The following KAT7 variants were observed in gnomAD, a reference collection of about 807,000 sequenced individuals.
KAT7 encodes lysine acetyltransferase 7, also known as histone acetyltransferase KAT7.
KAT7 carries 10 observed loss-of-function variants against 82.1 expected under a neutral mutation model. The ratio of observed to expected loss-of-function variants is 0.12; its 90% CI spans 0.08 to 0.21. The LOEUF (loss-of-function observed/expected upper bound fraction) is 0.21. Ranked by LOEUF, KAT7 falls within the 10% of genes least tolerant of loss-of-function variation. The pLI is 1.00. For synonymous variants in KAT7, 250 were observed against 262.5 expected (o/e 0.95, Z 0.46); for missense variants, 378 against 760.9 (o/e 0.50, Z 5.92).
In KAT7 at chr17:49,826,910, C is replaced by G. The variant is rs1242008137; in HGVS notation, c.1734+111C>G. The stretch of plus-strand genomic sequence containing the variant: ...CTTCCCTTAAAGGAGTTGGGCTACA[C>G]GCCCCTTTTACTGGGTCTCATTTCT... On this transcript the variant is annotated intron_variant, in intron 14 of 14. Coordinates refer to ENST00000259021, the MANE Select transcript of KAT7 (RefSeq NM_007067.5). 9.2e-6 allele frequency: 6 copies of G among 651,698 alleles called. No individual in the cohort carries two copies. The Admixed American group carries it at 1.7e-4, about 18-fold the overall frequency. 40.4% of individuals were successfully genotyped at this position (651,698 alleles called of 1,614,324 possible).
rs756711723 is a variant in KAT7, at chr17:49,827,547, C to T, written c.*45C>T. On this transcript the variant is annotated 3_prime_UTR_variant, in exon 15 of 15. Coordinates refer to ENST00000259021, the MANE Select transcript of KAT7 (RefSeq NM_007067.5). The stretch of plus-strand genomic sequence containing the variant: ...CCAGCGAACCCCAGCAGTAGGAATC[C>T]GTACCCTAGGGATCTGTCTGTCATT... The T allele has an allele frequency of 6.3e-5, 68 of 1,086,576 alleles. No homozygotes were observed. The highest frequency in any genetic ancestry group is 2.5e-4 in the Middle Eastern group (1 of 4,026). The allele number at this position is 1,086,576 out of a possible 1,614,324, so 67.3% of individuals were successfully genotyped here. A position where few individuals can be genotyped will look rare whatever the true frequency, so the allele number is the denominator to read the frequency against.
At chr17:49,801,770 G>A (rs534361966) in intron 4 of KAT7, among the ~76,000 whole-genome samples, 2 of 152,270 alleles carry the variant, frequency 1.3e-5, no homozygotes, top group African/African-American at 2.4e-5. Context: ...GATTACAGGC[G>A]TGAGCCACTG....
At position 49,821,438 on chromosome 17, in the gene KAT7, T is replaced by C. The variant is rs755744042; in HGVS notation, c.1245+12T>C. 6.2e-7 allele frequency: 1 copy of C among 1,609,648 alleles called. No individual in the cohort carries two copies. Among genetic ancestry groups the C allele is most frequent in the East Asian group, 2.2e-5 (1 of 44,848 alleles). ...GCAAGAAAAACAAGGTAAAAAGTGG[T>C]GACTTTAGAAAGGAGTTGAAATGTT... On this transcript the variant is annotated intron_variant, in intron 10 of 14. Transcript: ENST00000259021.
At chr17:49,815,556 GA>G in intron 7 of KAT7, 3 of 357,894 alleles carry the variant, frequency 8.4e-6, no homozygotes, top group Non-Finnish European at 1.5e-5. Context: ...TTCAGAGATA[GA>G]AGAATGAAGC....
chr17:49,790,964 T>C (rs1381877601), intron 1 of KAT7, among the ~76,000 whole-genome samples: 2 of 152,228 alleles, frequency 1.3e-5, no homozygotes, highest in Non-Finnish European at 2.9e-5. Context: ...AAGAAAGAAC[T>C]CCTCAGGAGG....
At chr17:49,798,252 C>T (rs2073980582) in intron 3 of KAT7, 67 bp from the exon 4 acceptor site, 20 of 1,498,284 alleles carry the variant, frequency 1.3e-5, no homozygotes, top group Non-Finnish European at 1.7e-5. Flanking sequence ...AGCCCATAAA[C>T]TCTGAATAGT....
At chr17:49,825,784 G>A (rs3785928) in intron 12 of KAT7, among the ~76,000 whole-genome samples, 11,179 of 152,206 alleles carry the variant, frequency 0.073, 573 homozygotes, top group African/African-American at 0.13. Flanking sequence ...AATAAGAGGG[G>A]ACTCCTGTGT....
chr17:49,794,828 A>G (rs188532419), intron 2 of KAT7, among the ~76,000 whole-genome samples: 1 of 152,348 alleles, frequency 6.6e-6, no homozygotes, highest in East Asian at 1.9e-4. Context: ...CTCCAGGGGT[A>G]CCATTTACAA....
In KAT7 at chr17:49,834,801, A is replaced by T. The variant is rs1415555671; in HGVS notation, c.*7299A>T. On this transcript the variant is annotated 3_prime_UTR_variant, in exon 15 of 15. Coordinates refer to ENST00000259021, the MANE Select transcript of KAT7 (RefSeq NM_007067.5). ...CATGGTGGGAGGATCACTTGAGCCC[A>T]GGAGTTCGAGACCAGCCTGGGCAAC... 1.3e-5 allele frequency: 2 copies of T among 152,258 alleles called. No homozygotes were observed. The highest frequency in any genetic ancestry group is 1.3e-4 in the Admixed American group (2 of 15,278). The allele number at this position is 152,258 out of a possible 1,614,324, so 9.4% of individuals were successfully genotyped here.
intron 5 of KAT7, among the ~76,000 whole-genome samples, chr17:49,807,270 C>T (rs1049676190): frequency 3.3e-5 from 5 of 152,078 alleles, no homozygotes; most frequent in East Asian, 1.9e-4. Context: ...GAGTCTGTTT[C>T]GGGGGTGAGG....
At position 49,826,274 on chromosome 17, in the gene KAT7, A is replaced by G. The variant is rs1325325768; in HGVS notation, c.1627+128A>G. 34 of 894,302 alleles carry G rather than the reference A, an allele frequency of 3.8e-5. No individual in the cohort carries two copies. The East Asian group carries it at 8.7e-4, about 23-fold the overall frequency. 55.4% of individuals were successfully genotyped at this position (894,302 alleles called of 1,614,324 possible). Reference sequence around the variant, plus strand: ...TGGACCACTGCGGAGACCCTCACTAAAGCTGCCTAGGAATCCAAAGCATTT... The same window carrying G: ...TGGACCACTGCGGAGACCCTCACTAGAGCTGCCTAGGAATCCAAAGCATTT... On this transcript the variant is annotated intron_variant, in intron 13 of 14. Coordinates refer to ENST00000259021, the MANE Select transcript of KAT7 (RefSeq NM_007067.5).
At chr17:49,819,307 C>T (rs2074273639) in intron 9 of KAT7, among the ~76,000 whole-genome samples, 1 of 152,116 alleles carries the variant, frequency 6.6e-6, no homozygotes, top group Admixed American at 6.6e-5. Context: ...CACTTGACTG[C>T]ATAGGGCTAG....
chr17:49,817,732 G>A, intron 8 of KAT7, 88 bp from the exon 9 acceptor site: 2 of 1,051,768 alleles, frequency 1.9e-6, no homozygotes, highest in South Asian at 3.0e-5. Context: ...CTCCCAAAGT[G>A]TTGGGATTAC....
At chr17:49,808,747 C>T (rs1448119656) in intron 5 of KAT7, among the ~76,000 whole-genome samples, 4 of 152,174 alleles carry the variant, frequency 2.6e-5, no homozygotes, top group Non-Finnish European at 5.9e-5. Context: ...GCACCACACC[C>T]AGCCCAAACC....
intron 4 of KAT7, among the ~76,000 whole-genome samples, chr17:49,804,239 C>T (rs1228161132): frequency 1.3e-5 from 2 of 151,952 alleles, no homozygotes; most frequent in Non-Finnish European, 1.5e-5. Flanking sequence ...ATTAGCCGGG[C>T]GTGGCGGCAG....
At position 49,829,662 on chromosome 17, in the gene KAT7, T is replaced by C. The variant is rs1232116290; in HGVS notation, c.*2160T>C. On this transcript the variant is annotated 3_prime_UTR_variant, in exon 15 of 15. Coordinates refer to ENST00000259021, the MANE Select transcript of KAT7 (RefSeq NM_007067.5). ...TGGTGGAAAGGAGGAGGCTGGGAAT[T>C]GTATGTGCTGGAATGGTTTCACTCA... The C allele has an allele frequency of 6.6e-6, 1 of 152,196 alleles. No homozygotes were observed. Among genetic ancestry groups the C allele is most frequent in the East Asian group, 1.9e-4 (1 of 5,192 alleles). The allele number at this position is 152,196 out of a possible 1,614,324, so 9.4% of individuals were successfully genotyped here. A position where few individuals can be genotyped will look rare whatever the true frequency, so the allele number is the denominator to read the frequency against.
rs1486755572 is a variant in KAT7, at chr17:49,791,898, A to G, written c.28A>G (p.Ser10Gly). 7 of 1,614,066 alleles carry G rather than the reference A, an allele frequency of 4.3e-6. No individual in the cohort carries two copies. The South Asian group carries it at 7.7e-5, about 18-fold the overall frequency. The change falls in exon 2 of 15, where the codon AGT becomes GGT. Residue 10 changes from serine (S) to glycine (G), a missense_variant. This residue lies in a region of KAT7 where 161 missense variants were observed against 229.6 expected (regional missense o/e 0.70). Coordinates refer to ENST00000259021, the MANE Select transcript of KAT7 (RefSeq NM_007067.5). MPRRKRNAG[S>G]SSDGTEDSDF... The stretch of plus-strand genomic sequence containing the variant: ...TATGGTATTACAGAGGAATGCAGGC[A>G]GTAGTTCAGATGGAACCGAAGATTC...
chr17:49,795,714 A>ATT (rs1244275096), intron 2 of KAT7: 4 of 229,632 alleles, frequency 1.7e-5, no homozygotes, highest in African/African-American at 9.2e-5. Context: ...TAACCACTGA[A>ATT]TTGTTATTTT....
rs761443388 is a variant in KAT7, at chr17:49,823,210, T to C, written c.1395T>C (p.Asn465=). 2 of 1,582,564 alleles carry C rather than the reference T, an allele frequency of 1.3e-6. No homozygotes were observed. The highest frequency in any genetic ancestry group is 2.2e-5 in the East Asian group (1 of 44,724). ...HLIGYFSKEK[N]SFLNYNVSCI... ...TTTGCTCTTGATTTTAGGAAAAGAA[T>C]TCATTCCTCAACTACAACGTCTCCT... Residue 465 remains asparagine, a synonymous_variant, in exon 12 of 15, where the codon AAT becomes AAC. Coordinates refer to ENST00000259021, the MANE Select transcript of KAT7 (RefSeq NM_007067.5).
Sources: gnomAD v4.1 joint callset for allele counts (sites outside exome capture counted in the v4.1 genomes callset) on GRCh38, gnomAD v4.1.1 for gene constraint, gnomAD v4.1.1 regional missense constraint, MANE v1.5 for transcripts, NCBI Gene and HGNC (gene_info 2026-07-23, HGNC 2026-07-21) for gene names.